Variants in SLC25A48 observed in about 807,000 individuals in gnomAD.
SLC25A48 encodes CTC-321K16.1.
A neutral mutation model predicts 32.2 loss-of-function variants in SLC25A48; 29 were observed. The ratio of observed to expected loss-of-function variants is 0.90; its 90% CI spans 0.67 to 1.23. SLC25A48 has a LOEUF of 1.23. Ranked by LOEUF, SLC25A48 falls within the 50% of genes most tolerant of loss-of-function variation. The pLI, the probability that SLC25A48 is intolerant of heterozygous loss-of-function variation, is 0.00. For missense variants in SLC25A48, 399 were observed against 422.7 expected (o/e 0.94, Z 0.49); for synonymous variants, 164 against 172.3 (o/e 0.95, Z 0.38).
chr5:135,607,531 A>G (rs1751966874), intron 1 of SLC25A48, among the ~76,000 whole-genome samples: 2 of 152,194 alleles, frequency 1.3e-5, no homozygotes, highest in South Asian at 4.1e-4. Context: ...GATCCTCCCA[A>G]ACTTTACTCT....
intron 3 of SLC25A48, among the ~76,000 whole-genome samples, chr5:135,712,842 G>A (rs913604137): frequency 2.6e-5 from 4 of 152,108 alleles, no homozygotes; most frequent in Admixed American, 1.3e-4. Context: ...TTCAGACTCC[G>A]TTTCCCTCCA....
intron 7 of SLC25A48, among the ~76,000 whole-genome samples, chr5:135,881,691 A>G (rs1170259661): frequency 2.0e-5 from 3 of 152,370 alleles, no homozygotes; most frequent in African/African-American, 4.8e-5. Flanking sequence ...TAAAAATCCT[A>G]TAACAAAAGC....
intron 3 of SLC25A48, among the ~76,000 whole-genome samples, chr5:135,771,607 C>A (rs917838687): frequency 6.6e-6 from 1 of 151,466 alleles, no homozygotes; most frequent in African/African-American, 2.4e-5. Context: ...AATGATATTA[C>A]TCTTTGTATC....
intron 3 of SLC25A48, among the ~76,000 whole-genome samples, chr5:135,796,791 A>G (rs1240868008): frequency 2.0e-5 from 3 of 150,526 alleles, no homozygotes; most frequent in Admixed American, 1.3e-4. Context: ...ATCCAGGGGG[A>G]AAAAGGATGA....
chr5:135,632,530 G>C (rs1340055224), intron 2 of SLC25A48, among the ~76,000 whole-genome samples: 1 of 152,132 alleles, frequency 6.6e-6, no homozygotes, highest in South Asian at 2.1e-4. Context: ...AAACAGAATG[G>C]GTGTACAAAG....
At chr5:135,770,176 G>A (rs1055263021) in intron 3 of SLC25A48, among the ~76,000 whole-genome samples, 1 of 150,084 alleles carries the variant, frequency 6.7e-6, no homozygotes, top group Admixed American at 6.6e-5. Flanking sequence ...AGAAGTGGAT[G>A]ATATTATTCC....
rs566801017 is a variant in SLC25A48, at chr5:135,716,145, C to T, written c.-521+81189C>T. ...CTCACTGTTGACAAAGCATTTTGGC[C>T]GAACTATCCTCCTTTCCTCAAGATG... On this transcript the variant is annotated intron_variant, in intron 3 of 10. Coordinates refer to the SLC25A48 transcript ENST00000646290. Among the ~76,000 whole-genome samples, 14 of 152,222 alleles carry T rather than the reference C, an allele frequency of 9.2e-5. No individual in the cohort carries two copies. The South Asian group carries it at 2.5e-3, about 27-fold the overall frequency.
chr5:135,734,484 A>G (rs903968200), intron 3 of SLC25A48, among the ~76,000 whole-genome samples: 1 of 152,138 alleles, frequency 6.6e-6, no homozygotes, highest in African/African-American at 2.4e-5. Flanking sequence ...CAAAGGAAAC[A>G]GGCCTTTGAA....
intron 3 of SLC25A48, among the ~76,000 whole-genome samples, chr5:135,775,291 T>C (rs1756522403): frequency 6.6e-6 from 1 of 151,778 alleles, no homozygotes; most frequent in Admixed American, 6.6e-5. Context: ...GTGATATTCT[T>C]TCTAACATAC....
At chr5:135,731,446 C>T (rs1165685397) in intron 3 of SLC25A48, among the ~76,000 whole-genome samples, 2 of 151,874 alleles carry the variant, frequency 1.3e-5, no homozygotes, top group African/African-American at 2.4e-5. Flanking sequence ...GTTGGGGCAG[C>T]GAAAATTTTT....
intron 6 of SLC25A48, chr5:135,876,131 C>CTTTTTTTTTTTTTTTT (rs1182130199): frequency 8.2e-5 from 2 of 24,408 alleles, no homozygotes; most frequent in African/African-American, 1.1e-4. Context: ...TTTTCTTCTT[C>CTTTTTTTTTTTTTTTT]TTTTTTTTTT....
chr5:135,588,576 TG>T (rs1751429464), intron 1 of SLC25A48, among the ~76,000 whole-genome samples: 1 of 152,018 alleles, frequency 6.6e-6, no homozygotes, highest in Admixed American at 6.6e-5. Context: ...GGATTCCAGA[TG>T]GGGGGCTGTA....
At chr5:135,641,486 C>T (rs1401552619) in intron 3 of SLC25A48, among the ~76,000 whole-genome samples, 1 of 119,712 alleles carries the variant, frequency 8.4e-6, no homozygotes, top group Admixed American at 9.2e-5. Context: ...AATATTTGCT[C>T]CAAGGGACTC....
chr5:135,792,508 G>C (rs1757058277), intron 3 of SLC25A48, among the ~76,000 whole-genome samples: 2 of 148,744 alleles, frequency 1.3e-5, no homozygotes, highest in Admixed American at 6.7e-5. Context: ...GTAACCCTCT[G>C]GTTACATGTA....
At position 135,888,034 on chromosome 5, in the gene SLC25A48, G is replaced by A. The variant is rs1383115688; in HGVS notation, c.*10G>A. 2.6e-6 allele frequency: 4 copies of A among 1,551,308 alleles called. No individual in the cohort carries two copies. The highest frequency in any genetic ancestry group is 3.5e-6 in the Non-Finnish European group (4 of 1,146,636). ...TCTGGGTTGTTTGCTGTTTCCAGGA[G>A]GTGAACACAGGATGACTACAGTGTT... On this transcript the variant is annotated splice_region_variant and 3_prime_UTR_variant, in exon 8 of 8. Coordinates refer to ENST00000681962, the MANE Select transcript of SLC25A48 (RefSeq NM_001349336.2).
At chr5:135,763,645 G>A (rs1756119842) in intron 3 of SLC25A48, among the ~76,000 whole-genome samples, 1 of 152,060 alleles carries the variant, frequency 6.6e-6, no homozygotes, top group Non-Finnish European at 1.5e-5. Flanking sequence ...GTGTTCCACT[G>A]GCCCACCTTA....
rs1189988780 is a variant in SLC25A48 at position 135,806,762 on chromosome 5, TATC to T, written c.-520-5758_-520-5756del. ...ATAATTATCACAGATATTTTCTTAA[TATC>T]ATAGTGTGTTAAAACTAGACATTAT... On this transcript the variant is annotated intron_variant, in intron 3 of 10. Coordinates refer to the SLC25A48 transcript ENST00000646290. Among the ~76,000 whole-genome samples, 4 of 150,118 alleles carry T rather than the reference TATC, an allele frequency of 2.7e-5. No individual in the cohort carries two copies. In the East Asian group the frequency reaches 6.1e-4, roughly 23 times the overall value.
chr5:135,846,490 C>A (rs2126718280), intron 2 of SLC25A48, among the ~76,000 whole-genome samples: 1 of 152,324 alleles, frequency 6.6e-6, no homozygotes, highest in African/African-American at 2.4e-5. Flanking sequence ...TCTGCCAGGT[C>A]AGGGGCAGGC....
chr5:135,809,512 C>T (rs1757546965), intron 3 of SLC25A48, among the ~76,000 whole-genome samples: 1 of 152,124 alleles, frequency 6.6e-6, no homozygotes, highest in Non-Finnish European at 1.5e-5. Context: ...AATTGATGTA[C>T]AGTAAAATTT....
Sources: gnomAD v4.1 joint callset for allele counts (sites outside exome capture counted in the v4.1 genomes callset) on GRCh38, gnomAD v4.1.1 for gene constraint, MANE v1.5 for transcripts, NCBI Gene and HGNC (gene_info 2026-07-23, HGNC 2026-07-21) for gene names.